IPO5: variants seen among roughly 807,000 people sequenced by gnomAD.
IPO5 encodes the protein importin 5.
In IPO5, 18 loss-of-function variants were observed where a neutral mutation model predicts 143.3. The ratio of observed to expected loss-of-function variants is 0.13; its 90% CI spans 0.09 to 0.19. The LOEUF (loss-of-function observed/expected upper bound fraction) is 0.19, where lower values mean the gene tolerates loss of function less well. Among genes scored for constraint, IPO5 ranks in the 10% least tolerant of loss-of-function variants. The pLI is 1.00. For synonymous variants in IPO5, 477 were observed against 465.7 expected, an observed-to-expected ratio of 1.02 and a Z score of -0.31; for missense variants, 1,013 against 1,336.9, an observed-to-expected ratio of 0.76 and a Z score of 3.78.
At chr13:98,021,649 C>A (rs1367097570) in intron 28 of IPO5, 87 bp from the exon 29 acceptor site, 5 of 661,486 alleles carry the variant, frequency 7.6e-6, no homozygotes, top group Admixed American at 5.6e-5. Context: ...GGTATTTTGC[C>A]ATGATTACAG....
At chr13:97,969,173 A>ATTTTTTTTT (rs1363779886) in intron 2 of IPO5, among the ~76,000 whole-genome samples, 35 of 70,126 alleles carry the variant, frequency 5.0e-4, no homozygotes, top group African/African-American at 1.5e-3. Flanking sequence ...ATATATATAT[A>ATTTTTTTTT]TATTTTTTTT....
In IPO5 at chr13:97,994,596, A is replaced by G. The variant is rs113240357; in HGVS notation, c.913+1371A>G. Among the ~76,000 whole-genome samples, 928 of 152,368 alleles carry G rather than the reference A, an allele frequency of 6.1e-3. 11 individuals are homozygous for G. The highest frequency in any genetic ancestry group is 0.021 in the African/African-American group (877 of 41,576). On this transcript the variant is annotated intron_variant, in intron 11 of 28. Coordinates refer to ENST00000651721, the MANE Select transcript of IPO5 (RefSeq NM_002271.6). ...ATAGAAGAACAAATTATCAGTTCTC[A>G]AATTAATCTAGGGTTATGATAGAAC...
intron 16 of IPO5, among the ~76,000 whole-genome samples, chr13:98,003,545 G>A (rs903747232): frequency 6.6e-6 from 1 of 152,084 alleles, no homozygotes; most frequent in Non-Finnish European, 1.5e-5. Context: ...GTTTCTGGCA[G>A]TTTGAATTTT....
chr13:98,010,111 A>G lies in IPO5; in HGVS notation c.1942A>G (p.Met648Val), dbSNP rs1889576142. Residue 648 changes from methionine (M) to valine (V), a missense_variant, in exon 20 of 29, where the codon ATG becomes GTG. By Grantham distance (21) the Met-to-Val change is conservative. Transcript: ENST00000651721. Reference protein sequence around the residue: ...PEVALLDTQDMENMSDDDGWE... With the variant: ...PEVALLDTQDVENMSDDDGWE... ...TTCTTCTCCGTTAATAGCCCAAGAC[A>G]TGGAGAATATGAGTGATGATGATGG... 3 of 1,614,132 alleles carry G rather than the reference A, an allele frequency of 1.9e-6. No individual in the cohort carries two copies. The highest frequency in any genetic ancestry group is 2.2e-5 in the East Asian group (1 of 44,862).
At chr13:98,019,439 C>T in intron 26 of IPO5, 142 bp from the exon 27 acceptor site, 4 of 652,138 alleles carry the variant, frequency 6.1e-6, no homozygotes, top group Non-Finnish European at 1.1e-5. Context: ...TCTGTAATGA[C>T]ATAGCCAAGA....
intron 22 of IPO5, among the ~76,000 whole-genome samples, chr13:98,014,836 CTCT>C (rs940599469): frequency 6.6e-5 from 8 of 121,496 alleles, no homozygotes; most frequent in African/African-American, 4.0e-4. Context: ...CTCAATTCTT[CTCT>C]TTTTTTTTTT....
At chr13:97,992,764 T>G in intron 9 of IPO5, 128 bp from the exon 10 acceptor site, 1 of 963,416 alleles carries the variant, frequency 1.0e-6, no homozygotes, top group Non-Finnish European at 1.5e-6. Flanking sequence ...ATAATATAGA[T>G]TGCTAAATTA....
At chr13:97,997,482 G>A (rs768998181) in intron 11 of IPO5, 49 bp from the exon 12 acceptor site, 3 of 1,018,358 alleles carry the variant, frequency 2.9e-6, no homozygotes, top group Admixed American at 1.9e-5. Context: ...TAGTGATATG[G>A]ATAAGATAAA....
chr13:97,957,640 C>A (rs557308761), intron 2 of IPO5, among the ~76,000 whole-genome samples: 1 of 152,140 alleles, frequency 6.6e-6, no homozygotes, highest in East Asian at 1.9e-4. Context: ...CAAAGTAAAT[C>A]CTACTACTCC....
intron 15 of IPO5, 29 bp downstream of exon 15, chr13:98,002,802 T>A (rs2139774563): frequency 1.9e-6 from 3 of 1,597,208 alleles, no homozygotes; most frequent in East Asian, 4.5e-5. Flanking sequence ...AACACTTAAA[T>A]CAGACTTTAG....
chr13:97,996,975 A>G (rs1888347210), intron 11 of IPO5, among the ~76,000 whole-genome samples: 1 of 152,212 alleles, frequency 6.6e-6, no homozygotes, highest in African/African-American at 2.4e-5. Flanking sequence ...AAAAGATGTA[A>G]TAATCTCATC....
chr13:97,965,763 GTGT>G (rs1723070055), intron 2 of IPO5, among the ~76,000 whole-genome samples: 1 of 150,966 alleles, frequency 6.6e-6, no homozygotes. Flanking sequence ...GTTTGTGTGT[GTGT>G]GTGTGTGTGT....
intron 27 of IPO5, among the ~76,000 whole-genome samples, chr13:98,020,277 T>G (rs1594138225): frequency 2.0e-5 from 3 of 152,326 alleles, no homozygotes; most frequent in Middle Eastern, 3.4e-3. Flanking sequence ...AGATCTAAGC[T>G]CTGTCGCTAT....
At chr13:97,962,576 G>C (rs1274866671) in intron 2 of IPO5, among the ~76,000 whole-genome samples, 1 of 152,222 alleles carries the variant, frequency 6.6e-6, no homozygotes, top group African/African-American at 2.4e-5. Context: ...CAGCACTTTG[G>C]GGGGCCCAGG....
At chr13:97,973,171 T>C (rs994163172) in intron 3 of IPO5, among the ~76,000 whole-genome samples, 6 of 151,144 alleles carry the variant, frequency 4.0e-5, no homozygotes, top group African/African-American at 1.5e-4. Context: ...GCCTCCAGAG[T>C]AGCTGGGATT....
At chr13:98,011,398 C>G (rs1488959638) in intron 20 of IPO5, among the ~76,000 whole-genome samples, 2 of 152,152 alleles carry the variant, frequency 1.3e-5, no homozygotes, top group African/African-American at 4.8e-5. Context: ...TCAAGTGATT[C>G]TCCTGCCTTA....
intron 5 of IPO5, 147 bp downstream of exon 5, chr13:97,982,730 A>G (rs991103439): frequency 1.1e-5 from 7 of 624,528 alleles, no homozygotes; most frequent in Middle Eastern, 3.8e-4. Context: ...AAAGCTACTT[A>G]GGAGTTATAA....
chr13:97,955,958 C>A (rs1884424409), intron 2 of IPO5, among the ~76,000 whole-genome samples: 1 of 152,098 alleles, frequency 6.6e-6, no homozygotes, highest in South Asian at 2.1e-4. Context: ...CGGTGAAACC[C>A]CGTCTCTACT....
intron 4 of IPO5, 119 bp from the exon 5 acceptor site, chr13:97,982,384 A>T: frequency 1.5e-6 from 1 of 659,062 alleles, no homozygotes; most frequent in Non-Finnish European, 2.6e-6. Flanking sequence ...AGAAGGTGTT[A>T]ACACCAGACC....
Sources: gnomAD v4.1 joint callset for allele counts (sites outside exome capture counted in the v4.1 genomes callset) on GRCh38, gnomAD v4.1.1 for gene constraint, MANE v1.5 for transcripts, NCBI Gene and HGNC (gene_info 2026-07-23, HGNC 2026-07-21) for gene names.